XKR9: variants seen among roughly 807,000 people sequenced by gnomAD.
XKR9 encodes XK-related protein 9.
XKR9 carries 32 observed loss-of-function variants against 32.0 expected under a neutral mutation model. The ratio of observed to expected loss-of-function variants is 1.00; its 90% confidence interval spans 0.76 to 1.34. The LOEUF is 1.34. Among genes scored for constraint, XKR9 ranks in the 40% most tolerant of loss-of-function variants. The pLI is 0.00. For synonymous variants in XKR9, 168 were observed against 143.4 expected (o/e 1.17, Z -1.22); for missense variants, 546 against 429.7 (o/e 1.27, Z -2.39).
the XKR9 span, among the ~76,000 whole-genome samples, chr8:70,902,904 G>T: frequency 3.3e-5 from 5 of 152,024 alleles, no homozygotes; most frequent in African/African-American, 1.2e-4. Flanking sequence ...ATAATCATGT[G>T]GTTTCTTTTT....
chr8:70,698,544 G>A (rs1188130842), intron 3 of XKR9, among the ~76,000 whole-genome samples: 1 of 152,204 alleles, frequency 6.6e-6, no homozygotes, highest in Non-Finnish European at 1.5e-5. Flanking sequence ...ACTGTGGTCT[G>A]AGAGACAGTT....
the XKR9 span, among the ~76,000 whole-genome samples, chr8:70,967,061 G>A: frequency 1.3e-5 from 1 of 74,576 alleles, no homozygotes; most frequent in African/African-American, 5.3e-5. Context: ...GATGGATCTT[G>A]ACTCTTTTTT....
the XKR9 span, among the ~76,000 whole-genome samples, chr8:70,901,104 T>G: frequency 6.6e-6 from 1 of 152,240 alleles, no homozygotes; most frequent in Non-Finnish European, 1.5e-5. Flanking sequence ...TTGTGAATAG[T>G]GCTTCAATAA....
the XKR9 span, among the ~76,000 whole-genome samples, chr8:71,032,542 C>T: frequency 1.3e-5 from 2 of 152,092 alleles, no homozygotes; most frequent in Admixed American, 6.5e-5. Context: ...ACATAATACA[C>T]CATATAGTAG....
chr8:71,062,368 T>C, the XKR9 span, among the ~76,000 whole-genome samples: 1 of 152,146 alleles, frequency 6.6e-6, no homozygotes, highest in Non-Finnish European at 1.5e-5. Flanking sequence ...TGGTTGGAGC[T>C]CACTTCCTGC....
chr8:70,754,659 G>T (rs995886631), intron 2 of XKR9, among the ~76,000 whole-genome samples: 2 of 151,278 alleles, frequency 1.3e-5, no homozygotes, highest in Non-Finnish European at 3.0e-5. Flanking sequence ...ACAAGCAATG[G>T]GGAAAGGATT....
At chr8:70,893,227 C>T in the XKR9 span, among the ~76,000 whole-genome samples, 1 of 152,084 alleles carries the variant, frequency 6.6e-6, no homozygotes, top group Non-Finnish European at 1.5e-5. Flanking sequence ...AATTTTCATT[C>T]ATATTGTGAA....
intron 2 of XKR9, among the ~76,000 whole-genome samples, chr8:70,760,501 A>T (rs950314840): frequency 6.6e-6 from 1 of 152,166 alleles, no homozygotes; most frequent in African/African-American, 2.4e-5. Flanking sequence ...TATATGCAAC[A>T]TAAAACGTAC....
the XKR9 span, among the ~76,000 whole-genome samples, chr8:70,907,356 G>A: frequency 1.2e-3 from 189 of 152,264 alleles, 2 homozygotes; most frequent in East Asian, 0.028. Flanking sequence ...AATAGTGATA[G>A]AATAGATCAC....
the XKR9 span, among the ~76,000 whole-genome samples, chr8:70,947,156 G>C: frequency 6.6e-6 from 1 of 151,520 alleles, no homozygotes; most frequent in African/African-American, 2.5e-5. Flanking sequence ...TAAATCATAA[G>C]TTGTTTATGA....
rs79703244 is a variant in XKR9, at chr8:70,781,866, G to A, written n.353-7473G>A. On this transcript the variant is annotated intron_variant and non_coding_transcript_variant, in intron 2 of 3. Coordinates refer to the XKR9 transcript ENST00000520273. ...GATTAGTTCCATAAAATATTTATGC[G>A]GATTACTGGGGGAAAATTGTTCATT... Among the ~76,000 whole-genome samples, 1,462 of 152,180 alleles carry A rather than the reference G, an allele frequency of 9.6e-3. 11 individuals carry two copies. Among genetic ancestry groups the A allele is most frequent in the Non-Finnish European group, 0.015 (1,027 of 68,000 alleles).
the XKR9 span, among the ~76,000 whole-genome samples, chr8:70,944,315 G>C: frequency 7.2e-5 from 11 of 152,182 alleles, no homozygotes; most frequent in African/African-American, 2.7e-4. Context: ...AGAACCATCA[G>C]GTTGTTCTAG....
At chr8:70,855,901 A>G in the XKR9 span, among the ~76,000 whole-genome samples, 2 of 152,318 alleles carry the variant, frequency 1.3e-5, no homozygotes, top group Non-Finnish European at 2.9e-5. Context: ...AAGGAGAAAT[A>G]AAATCCTTTA....
the XKR9 span, among the ~76,000 whole-genome samples, chr8:70,832,246 A>G: frequency 1.4e-4 from 21 of 152,282 alleles, no homozygotes; most frequent in East Asian, 4.0e-3. Flanking sequence ...ACAGCTCTCA[A>G]ACCCTCCTGG....
intron 2 of XKR9, among the ~76,000 whole-genome samples, chr8:70,758,327 T>C (rs1563470792): frequency 2.6e-5 from 4 of 152,172 alleles, no homozygotes; most frequent in Non-Finnish European, 5.9e-5. Flanking sequence ...ACTCCAATAA[T>C]TGCCAGACTA....
chr8:70,918,071 G>A, the XKR9 span, among the ~76,000 whole-genome samples: 11 of 152,168 alleles, frequency 7.2e-5, no homozygotes, highest in African/African-American at 2.7e-4. Flanking sequence ...AAGCGTTGAG[G>A]GACAGTGAGA....
the XKR9 span, among the ~76,000 whole-genome samples, chr8:70,810,645 C>T: frequency 6.6e-6 from 1 of 152,112 alleles, no homozygotes; most frequent in Admixed American, 6.5e-5. Flanking sequence ...TAATCCTAGT[C>T]TCTGATAAAA....
At chr8:70,753,556 G>A (rs898836061) in intron 2 of XKR9, among the ~76,000 whole-genome samples, 2 of 152,102 alleles carry the variant, frequency 1.3e-5, no homozygotes, top group African/African-American at 4.8e-5. Context: ...ACATCAAAAA[G>A]CTTATCCACC....
At chr8:70,726,605 C>A (rs914733753) in intron 4 of XKR9, among the ~76,000 whole-genome samples, 1 of 152,158 alleles carries the variant, frequency 6.6e-6, no homozygotes, top group African/African-American at 2.4e-5. Context: ...CATGGCTTTA[C>A]CAGTATGATT....
Sources: gnomAD v4.1 joint callset for allele counts (sites outside exome capture counted in the v4.1 genomes callset) on GRCh38, gnomAD v4.1.1 for gene constraint, MANE v1.5 for transcripts, NCBI Gene and HGNC (gene_info 2026-07-23, HGNC 2026-07-21) for gene names.